Variants in LIN54 observed in about 807,000 individuals in gnomAD.
LIN54 encodes lin-54 DREAM MuvB core complex component, also known as protein lin-54 homolog.
Under a neutral mutation model 78.7 loss-of-function variants are expected in LIN54, and 9 were observed. That is an observed-to-expected ratio of 0.11 (90% CI 0.07 to 0.20). The LOEUF (loss-of-function observed/expected upper bound fraction) is 0.20, where lower values mean the gene tolerates loss of function less well. LIN54 is among the 10% of genes least tolerant of loss of function. The pLI, the probability that LIN54 is intolerant of heterozygous loss-of-function variation, is 1.00. For missense variants in LIN54, 573 were observed against 889.9 expected, an observed-to-expected ratio of 0.64 and a Z score of 4.53; for synonymous variants, 269 against 318.4, an observed-to-expected ratio of 0.84 and a Z score of 1.65.
At chr4:82,979,068 T>C (rs1162211569) in intron 2 of LIN54, 62 bp from the exon 3 acceptor site, 18 of 1,313,898 alleles carry the variant, frequency 1.4e-5, no homozygotes, top group Middle Eastern at 1.9e-4. Context: ...TAAATCAAAA[T>C]TATACCAAAG....
At chr4:82,939,813 C>T in intron 6 of LIN54, 76 bp downstream of exon 6, 1 of 1,588,378 alleles carries the variant, frequency 6.3e-7, no homozygotes, top group Non-Finnish European at 8.6e-7. Flanking sequence ...TCTCTTGCAC[C>T]TAAATCTTAA....
chr4:82,961,887 C>T (rs994839732), intron 4 of LIN54, among the ~76,000 whole-genome samples: 9 of 150,782 alleles, frequency 6.0e-5, no homozygotes, highest in African/African-American at 2.0e-4. Context: ...ACCCTGGAGG[C>T]GGAGGTTGCA....
intron 1 of LIN54, among the ~76,000 whole-genome samples, chr4:83,005,237 T>G (rs773286489): frequency 6.6e-6 from 1 of 152,202 alleles, no homozygotes; most frequent in Non-Finnish European, 1.5e-5. Flanking sequence ...TATATTTATA[T>G]CTATCTTAAA....
intron 1 of LIN54, among the ~76,000 whole-genome samples, chr4:82,985,461 T>A (rs972663073): frequency 6.6e-6 from 1 of 152,220 alleles, no homozygotes; most frequent in African/African-American, 2.4e-5. Flanking sequence ...TGGTACAACT[T>A]TGACCAACTA....
intron 4 of LIN54, among the ~76,000 whole-genome samples, chr4:82,967,543 G>C (rs1725304423): frequency 6.6e-6 from 1 of 152,208 alleles, no homozygotes; most frequent in South Asian, 2.1e-4. Context: ...ATCTTGATGG[G>C]ACCCTGCCAA....
At chr4:82,929,734 A>G (rs962429657) in intron 12 of LIN54, among the ~76,000 whole-genome samples, 1 of 152,038 alleles carries the variant, frequency 6.6e-6, no homozygotes, top group African/African-American at 2.4e-5. Flanking sequence ...TAAACCCAGG[A>G]GGCGGAGATT....
At chr4:82,950,644 A>C (rs1003104877) in intron 4 of LIN54, among the ~76,000 whole-genome samples, 1 of 152,222 alleles carries the variant, frequency 6.6e-6, no homozygotes, top group African/African-American at 2.4e-5. Context: ...CAAATATCTT[A>C]ATTTAGATTC....
At chr4:82,981,229 G>C (rs1049715652) in intron 2 of LIN54, among the ~76,000 whole-genome samples, 4 of 152,134 alleles carry the variant, frequency 2.6e-5, no homozygotes, top group Admixed American at 1.3e-4. Context: ...ATAGATTCAG[G>C]AGCTAGTAAG....
chr4:82,966,120 G>A (rs572416773), intron 4 of LIN54, among the ~76,000 whole-genome samples: 3 of 151,442 alleles, frequency 2.0e-5, no homozygotes, highest in South Asian at 2.1e-4. Context: ...TTTTCTTTTC[G>A]CTCTACATAC....
chr4:82,978,839 AG>A lies in LIN54; in HGVS notation c.808+43del, dbSNP rs762256325. The A allele has an allele frequency of 1.6e-4, 200 of 1,246,540 alleles. 1 individual carries two copies. Among genetic ancestry groups the A allele is most frequent in the African/African-American group, 1.5e-3 (100 of 67,160 alleles). 77.2% of individuals were successfully genotyped at this position (1,246,540 alleles called of 1,614,324 possible). A position where few individuals can be genotyped will look rare whatever the true frequency, so the allele number is the denominator to read the frequency against. On this transcript the variant is annotated intron_variant, in intron 3 of 12. Coordinates refer to ENST00000340417, the MANE Select transcript of LIN54 (RefSeq NM_194282.4). ...GCAGAACAGCCTTTTTAAATCTAAAAGGAAGATAAATATTTAGCTTAATAAA... is the reference window on the plus strand; with the variant it reads ...GCAGAACAGCCTTTTTAAATCTAAAAGAAGATAAATATTTAGCTTAATAAA...
intron 5 of LIN54, among the ~76,000 whole-genome samples, chr4:82,940,712 A>G (rs1206356771): frequency 2.6e-5 from 4 of 152,212 alleles, no homozygotes; most frequent in South Asian, 2.1e-4. Flanking sequence ...GTGTAATTCA[A>G]TATTTACAGA....
chr4:82,996,467 A>G (rs1728228197), intron 1 of LIN54, among the ~76,000 whole-genome samples: 1 of 152,018 alleles, frequency 6.6e-6, no homozygotes, highest in East Asian at 1.9e-4. Flanking sequence ...ATGCAGTGGC[A>G]TGATCTCAGC....
At chr4:82,995,712 G>C (rs1728158475) in intron 1 of LIN54, among the ~76,000 whole-genome samples, 1 of 151,590 alleles carries the variant, frequency 6.6e-6, no homozygotes, top group African/African-American at 2.4e-5. Context: ...AGCCAGGCTG[G>C]TCTACATGTC....
chr4:82,935,831 G>C (rs1000278599), intron 11 of LIN54, 150 bp downstream of exon 11: 6 of 727,080 alleles, frequency 8.3e-6, no homozygotes, highest in African/African-American at 7.0e-5. Flanking sequence ...AGGCTCGAAG[G>C]CCTTCCTAAA....
At chr4:83,002,498 A>T (rs1728952854) in intron 1 of LIN54, among the ~76,000 whole-genome samples, 1 of 151,704 alleles carries the variant, frequency 6.6e-6, no homozygotes, top group Non-Finnish European at 1.5e-5. Context: ...AGGCAGGGGA[A>T]AAAAAGTTAG....
At chr4:82,989,848 T>C (rs1442754814) in intron 1 of LIN54, among the ~76,000 whole-genome samples, 1 of 152,166 alleles carries the variant, frequency 6.6e-6, no homozygotes, top group Non-Finnish European at 1.5e-5. Flanking sequence ...TCTATATCCT[T>C]ATTGTGGACA....
At chr4:82,977,697 G>A (rs1389277282) in intron 3 of LIN54, among the ~76,000 whole-genome samples, 1 of 152,204 alleles carries the variant, frequency 6.6e-6, no homozygotes, top group Non-Finnish European at 1.5e-5. Context: ...TAATATTTGA[G>A]TACCCTCATC....
In LIN54 at chr4:82,976,289, A is replaced by G. The variant is rs534548284; in HGVS notation, c.808+2594T>C. Among the ~76,000 whole-genome samples the G allele has an allele frequency of 7.7e-4, 118 of 152,260 alleles. No individual in the cohort carries two copies. In the Middle Eastern group the frequency reaches 0.024, roughly 31 times the overall value. On this transcript the variant is annotated intron_variant, in intron 3 of 12. Transcript: ENST00000340417. ...AAGGGTATGACAAGTTCAGATTTGCATTTTAGAAAAATCGCTTATACACAA... is the reference window on the plus strand; with the variant it reads ...AAGGGTATGACAAGTTCAGATTTGCGTTTTAGAAAAATCGCTTATACACAA...
intron 1 of LIN54, among the ~76,000 whole-genome samples, chr4:83,002,290 A>G (rs772720716): frequency 1.3e-5 from 2 of 151,734 alleles, no homozygotes; most frequent in Non-Finnish European, 2.9e-5. Flanking sequence ...AATCCCAGCT[A>G]CTTGGGAGAC....
Sources: allele counts gnomAD v4.1 joint callset (sites outside exome capture counted in the v4.1 genomes callset), GRCh38; gene constraint gnomAD v4.1.1; transcripts MANE v1.5; gene names NCBI Gene and HGNC (gene_info 2026-07-23, HGNC 2026-07-21).